The following TTC7A variants were observed in gnomAD, a reference collection of about 807,000 sequenced individuals.
TTC7A encodes tetratricopeptide repeat protein 7A.
A neutral mutation model predicts 103.7 loss-of-function variants in TTC7A; 110 were observed. The observed-to-expected ratio is 1.06, with a 90% CI of 0.91 to 1.24. The LOEUF is 1.24. TTC7A is among the 50% of genes most tolerant of loss of function. The probability of loss-of-function intolerance (pLI) is 0.00; values close to 1 mark genes in which losing one functional copy is unlikely to be tolerated. For synonymous variants in TTC7A, 521 were observed against 467.9 expected (o/e 1.11, Z -1.47); for missense variants, 1,340 against 1,116.3 (o/e 1.20, Z -2.86).
At chr2:47,065,385 A>G (rs1271997246) in intron 19 of TTC7A, among the ~76,000 whole-genome samples, 1 of 152,254 alleles carries the variant, frequency 6.6e-6, no homozygotes, top group Non-Finnish European at 1.5e-5. Flanking sequence ...AAGAAAAAGG[A>G]CTTGGAGTCT....
upstream of TTC7A, among the ~76,000 whole-genome samples, chr2:46,936,517 G>T (rs1040502253): frequency 6.6e-6 from 1 of 152,122 alleles, no homozygotes; most frequent in East Asian, 1.9e-4. Flanking sequence ...TAGCTATGAG[G>T]CTGGGGGGTC....
intron 8 of TTC7A, among the ~76,000 whole-genome samples, chr2:47,004,681 G>A (rs1019723667): frequency 2.0e-5 from 3 of 151,878 alleles, no homozygotes; most frequent in Non-Finnish European, 4.4e-5. Context: ...CAGGAGAAGG[G>A]AGGATGCTGG....
intron 19 of TTC7A, among the ~76,000 whole-genome samples, chr2:47,065,063 G>A (rs928748870): frequency 1.6e-4 from 24 of 152,140 alleles, no homozygotes; most frequent in Non-Finnish European, 3.1e-4. Context: ...CGAGGCGGGC[G>A]GATCACGAGG....
At chr2:46,915,949 C>T, upstream of TTC7A, 1 of 985,428 alleles carries the variant, frequency 1.0e-6, no homozygotes, top group Non-Finnish European at 1.2e-6. Context: ...GGCCCGGGCC[C>T]AGCACTGGCG....
chr2:47,071,812 G>A (rs1159407936), intron 19 of TTC7A, among the ~76,000 whole-genome samples: 1 of 152,168 alleles, frequency 6.6e-6, no homozygotes. Context: ...GATATCAGGG[G>A]TTTTCAGACT....
chr2:46,941,921 A>G lies in TTC7A; in HGVS notation c.184+196A>G. The stretch of plus-strand genomic sequence containing the variant: ...AATCACATGTGGTTTGGGGGCTTGG[A>G]GGGAAGAGAAACGGCTTTTGCTCTG... On this transcript the variant is annotated intron_variant, in intron 1 of 19. Coordinates refer to ENST00000319190, the MANE Select transcript of TTC7A (RefSeq NM_020458.4). This position sits in a 1 kb window ranked among gnomAD's most constrained non-coding sequence, Gnocchi z 4.2. The G allele has an allele frequency of 2.9e-6, 2 of 682,436 alleles. No homozygotes were observed. The highest frequency in any genetic ancestry group is 4.9e-6 in the Non-Finnish European group (2 of 405,814). The allele number at this position is 682,436 out of a possible 1,614,324, so 42.3% of individuals were successfully genotyped here. A position where few individuals can be genotyped will look rare whatever the true frequency, so the allele number is the denominator to read the frequency against.
intron 10 of TTC7A, among the ~76,000 whole-genome samples, chr2:47,010,216 T>C (rs979699976): frequency 6.6e-6 from 1 of 152,184 alleles, no homozygotes; most frequent in South Asian, 2.1e-4. Context: ...ATAGTAGACG[T>C]TGTTGACTCT....
chr2:47,051,627 C>A, intron 17 of TTC7A, 119 bp from the exon 18 acceptor site: 1 of 1,304,850 alleles, frequency 7.7e-7, no homozygotes, highest in Non-Finnish European at 1.0e-6. Flanking sequence ...CCCAGCCGCA[C>A]CACCCTACCC....
intron 15 of TTC7A, among the ~76,000 whole-genome samples, chr2:47,032,859 CAAAAA>C (rs10586448): frequency 0.053 from 4,649 of 87,970 alleles, 209 homozygotes; most frequent in African/African-American, 0.15. Context: ...TTGTTTTAAG[CAAAAA>C]AAAAAAAAAA....
At position 46,941,920 on chromosome 2, in the gene TTC7A, G is replaced by A. The variant is rs765177847; in HGVS notation, c.184+195G>A. 8.8e-6 allele frequency: 6 copies of A among 685,530 alleles called. No individual in the cohort carries two copies. Among genetic ancestry groups the A allele is most frequent in the South Asian group, 3.8e-5 (2 of 52,062 alleles). The allele number at this position is 685,530 out of a possible 1,614,324, so 42.5% of individuals were successfully genotyped here. Reference sequence around the variant, plus strand: ...AAATCACATGTGGTTTGGGGGCTTGGAGGGAAGAGAAACGGCTTTTGCTCT... The same window carrying A: ...AAATCACATGTGGTTTGGGGGCTTGAAGGGAAGAGAAACGGCTTTTGCTCT... On this transcript the variant is annotated intron_variant, in intron 1 of 19. Coordinates refer to ENST00000319190, the MANE Select transcript of TTC7A (RefSeq NM_020458.4). The surrounding 1 kb of genome is among the most constrained non-coding windows in gnomAD (Gnocchi z 4.2).
intron 15 of TTC7A, among the ~76,000 whole-genome samples, chr2:47,031,384 C>G (rs768912389): frequency 6.6e-6 from 1 of 152,198 alleles, no homozygotes; most frequent in Non-Finnish European, 1.5e-5. Context: ...GATCCCAGCT[C>G]CATCTGCGCA....
At chr2:46,963,839 G>A (rs1040766668) in intron 3 of TTC7A, among the ~76,000 whole-genome samples, 1 of 152,144 alleles carries the variant, frequency 6.6e-6, no homozygotes, top group African/African-American at 2.4e-5. Context: ...ACTGCCTGGG[G>A]AAGCTTCTCA....
At chr2:46,985,704 C>T (rs934333462) in intron 5 of TTC7A, among the ~76,000 whole-genome samples, 1 of 152,224 alleles carries the variant, frequency 6.6e-6, no homozygotes, top group African/African-American at 2.4e-5. Context: ...CATGGCACCA[C>T]GCCCAGCACA....
chr2:46,935,034 C>T (rs1001586998), intron 2 of TTC7A, among the ~76,000 whole-genome samples: 4 of 151,762 alleles, frequency 2.6e-5, no homozygotes, highest in African/African-American at 7.2e-5. Flanking sequence ...ATCTTGACCT[C>T]GTGATCCACC....
intron 3 of TTC7A, among the ~76,000 whole-genome samples, chr2:46,968,344 G>T (rs1253167194): frequency 6.6e-6 from 1 of 152,242 alleles, no homozygotes; most frequent in Non-Finnish European, 1.5e-5. Flanking sequence ...ACCCTCCGAT[G>T]CCTCAAGGAC....
chr2:47,059,624 C>G (rs1683605876), intron 18 of TTC7A, among the ~76,000 whole-genome samples: 1 of 152,208 alleles, frequency 6.6e-6, no homozygotes, highest in African/African-American at 2.4e-5. Flanking sequence ...AGAGAGATCC[C>G]TGGTCTGCTT....
chr2:46,951,049 G>T (rs1264728733), intron 2 of TTC7A, among the ~76,000 whole-genome samples: 1 of 152,180 alleles, frequency 6.6e-6, no homozygotes, highest in African/African-American at 2.4e-5. Flanking sequence ...AAACCTCAGT[G>T]AACCTGTGAC....
chr2:47,041,381 A>G (rs531448465), intron 15 of TTC7A, among the ~76,000 whole-genome samples: 2 of 152,356 alleles, frequency 1.3e-5, no homozygotes, highest in African/African-American at 2.4e-5. Context: ...ACGATGAGGC[A>G]CAGGACAAGA....
At chr2:46,916,531 TA>T (rs1322376515) in exon 1 of TTC7A, 1 of 152,802 alleles carries the variant, frequency 6.5e-6, no homozygotes, top group Non-Finnish European at 1.5e-5. Flanking sequence ...TTCATCCCTG[TA>T]TAATCCTGCC....
Sources: allele counts gnomAD v4.1 joint callset (sites outside exome capture counted in the v4.1 genomes callset), GRCh38; gene constraint gnomAD v4.1.1; non-coding constraint Gnocchi (gnomAD v3.1); transcripts MANE v1.5; gene names NCBI Gene and HGNC (gene_info 2026-07-23, HGNC 2026-07-21).